Variants in AFF2 observed in about 807,000 individuals in gnomAD.
AFF2 encodes AF4/FMR2 family member 2.
In AFF2, 14 loss-of-function variants were observed where a neutral mutation model predicts 76.9. That is an observed-to-expected ratio of 0.18 (90% CI 0.12 to 0.28). The LOEUF (loss-of-function observed/expected upper bound fraction) is 0.28, where lower values mean the gene tolerates loss of function less well. Among genes scored for constraint, AFF2 ranks in the 10% least tolerant of loss-of-function variants. AFF2 has a pLI of 1.00. For synonymous variants in AFF2, 398 were observed against 366.7 expected, an observed-to-expected ratio of 1.09 and a Z score of -0.98; for missense variants, 868 against 1,001.1, an observed-to-expected ratio of 0.87 and a Z score of 1.79.
intron 5 of AFF2, among the ~76,000 whole-genome samples, chrX:148,840,644 A>G (rs1482792023): frequency 8.8e-6 from 1 of 113,033 alleles, no homozygotes; most frequent in Non-Finnish European, 1.9e-5. Context: ...TCTATGAAAG[A>G]AATGCATAAA....
At chrX:148,570,608 C>G (rs2053219047) in intron 1 of AFF2, among the ~76,000 whole-genome samples, 1 of 111,436 alleles carries the variant, frequency 9.0e-6, no homozygotes, top group African/African-American at 3.3e-5. Flanking sequence ...GGGCCTGGTG[C>G]TTTGTATTGG....
intron 3 of AFF2, among the ~76,000 whole-genome samples, chrX:148,743,947 T>A (rs1425780105): frequency 3.6e-5 from 4 of 110,935 alleles, no homozygotes; most frequent in African/African-American, 9.8e-5. Flanking sequence ...TAAGTAAATA[T>A]GTGTATATGA....
intron 7 of AFF2, among the ~76,000 whole-genome samples, chrX:148,881,089 C>A (rs1395142643): frequency 8.9e-6 from 1 of 111,796 alleles, no homozygotes; most frequent in Admixed American, 9.5e-5. Flanking sequence ...TTGCAGCTAG[C>A]ACCATAGATA....
At chrX:148,557,631 C>A (rs1264602065) in intron 1 of AFF2, among the ~76,000 whole-genome samples, 1 of 112,184 alleles carries the variant, frequency 8.9e-6, no homozygotes, top group East Asian at 2.8e-4. Flanking sequence ...TTGAAGATAT[C>A]ACCTCTCAAC....
At chrX:148,627,432 G>A (rs2053937487) in intron 1 of AFF2, among the ~76,000 whole-genome samples, 1 of 112,048 alleles carries the variant, frequency 8.9e-6, no homozygotes, top group South Asian at 3.7e-4. Context: ...AGCTTGCCCA[G>A]GCACAGAATG....
chrX:148,651,075 C>T (rs2054198217), intron 1 of AFF2, among the ~76,000 whole-genome samples: 1 of 112,137 alleles, frequency 8.9e-6, no homozygotes, highest in African/African-American at 3.2e-5. Flanking sequence ...AAATAAGATA[C>T]ACCACTACGA....
chrX:148,911,474 T>C (rs1270953574), intron 9 of AFF2, among the ~76,000 whole-genome samples: 2 of 111,777 alleles, frequency 1.8e-5, no homozygotes, highest in Admixed American at 1.9e-4. Context: ...TTGTGGGATT[T>C]TCTCCTTGAG....
chrX:148,948,325 G>A (rs2071924620), intron 9 of AFF2, among the ~76,000 whole-genome samples: 1 of 111,638 alleles, frequency 9.0e-6, no homozygotes, highest in South Asian at 3.8e-4. Flanking sequence ...TTGCCTTAAG[G>A]AGCAGATTGG....
chrX:148,636,029 A>T (rs187875010), intron 1 of AFF2, among the ~76,000 whole-genome samples: 138 of 110,160 alleles, frequency 1.3e-3, no homozygotes, highest in Middle Eastern at 4.7e-3. Flanking sequence ...ATATATATAT[A>T]TATTTTTTTC....
At chrX:148,747,078 C>T (rs1415315442) in intron 3 of AFF2, among the ~76,000 whole-genome samples, 1 of 111,769 alleles carries the variant, frequency 8.9e-6, no homozygotes, top group Non-Finnish European at 1.9e-5. Context: ...ACATGAAGCT[C>T]TCCTGACTCA....
intron 7 of AFF2, among the ~76,000 whole-genome samples, chrX:148,868,757 C>T (rs782551977): frequency 8.9e-6 from 1 of 112,466 alleles, no homozygotes; most frequent in Non-Finnish European, 1.9e-5. Flanking sequence ...CTGGTGAGCA[C>T]GTGTTATCTG....
chrX:148,974,023 G>C (rs1236901443), intron 16 of AFF2, among the ~76,000 whole-genome samples: 5 of 111,595 alleles, frequency 4.5e-5, no homozygotes, highest in Non-Finnish European at 5.6e-5. Flanking sequence ...AAAGGGAGGG[G>C]CACTGTTCCA....
rs782518152 is a variant in AFF2, at chrX:148,648,514, A to G, written c.48-3485A>G. Among the ~76,000 whole-genome samples, 160 of 94,640 alleles carry G rather than the reference A, an allele frequency of 1.7e-3. 2 individuals carry two copies. Among genetic ancestry groups the G allele is most frequent in the African/African-American group, 6.3e-3 (159 of 25,094 alleles). 82.2% of individuals were successfully genotyped at this position (94,640 alleles called of 115,157 possible). Reference sequence around the variant, plus strand: ...GAGGTGGATGTTGCAGTGAGCTGAGATTGCGCCATTGCACTCCAGCCTGGT... The same window carrying G: ...GAGGTGGATGTTGCAGTGAGCTGAGGTTGCGCCATTGCACTCCAGCCTGGT... On this transcript the variant is annotated intron_variant, in intron 1 of 20. Transcript: ENST00000370460.
chrX:148,516,093 T>A (rs1288120629), intron 1 of AFF2, among the ~76,000 whole-genome samples: 2 of 111,365 alleles, frequency 1.8e-5, no homozygotes, highest in African/African-American at 6.5e-5. Context: ...AGCTCTTCAG[T>A]TCACGTCAGC....
chrX:148,652,202 A>G, intron 2 of AFF2, 71 bp downstream of exon 2: 1 of 831,727 alleles, frequency 1.2e-6, no homozygotes, highest in Non-Finnish European at 1.7e-6. Flanking sequence ...CATTTAATTT[A>G]TGTTTAAAGC....
chrX:148,693,739 C>A (rs1250842888), intron 3 of AFF2, among the ~76,000 whole-genome samples: 1 of 111,850 alleles, frequency 8.9e-6, no homozygotes, highest in African/African-American at 3.3e-5. Flanking sequence ...ATCTTGTCCG[C>A]CCAAGGAAAG....
At chrX:148,903,935 C>T (rs1173937735) in intron 8 of AFF2, among the ~76,000 whole-genome samples, 1 of 111,171 alleles carries the variant, frequency 9.0e-6, no homozygotes, top group Non-Finnish European at 1.9e-5. Context: ...AGTTATGCAC[C>T]CAGAAGTCCA....
intron 1 of AFF2, among the ~76,000 whole-genome samples, chrX:148,618,951 G>T (rs1569552246): frequency 9.0e-6 from 1 of 111,252 alleles, no homozygotes; most frequent in East Asian, 2.8e-4. Context: ...AACTCCCTAT[G>T]CCACTGAGTG....
intron 1 of AFF2, among the ~76,000 whole-genome samples, chrX:148,577,452 T>C (rs782556826): frequency 1.8e-5 from 2 of 112,279 alleles, no homozygotes; most frequent in Admixed American, 9.4e-5. Flanking sequence ...TGCTATTTGC[T>C]CAGTTTTATT....
Sources: gnomAD v4.1 joint callset for allele counts (sites outside exome capture counted in the v4.1 genomes callset) on GRCh38, gnomAD v4.1.1 for gene constraint, MANE v1.5 for transcripts, NCBI Gene and HGNC (gene_info 2026-07-23, HGNC 2026-07-21) for gene names.